Variants in IMMP2L observed in about 807,000 individuals in gnomAD.
IMMP2L encodes the protein inner mitochondrial membrane peptidase subunit 2, also known as mitochondrial inner membrane protease subunit 2.
IMMP2L carries 18 observed loss-of-function variants against 19.3 expected under a neutral mutation model. That is an observed-to-expected ratio of 0.93 (90% confidence interval 0.64 to 1.38). IMMP2L has a LOEUF of 1.38. IMMP2L is among the 40% of genes most tolerant of loss of function. The pLI is 0.00. For synonymous variants in IMMP2L, 76 were observed against 73.0 expected, an observed-to-expected ratio of 1.04 and a Z score of -0.21; for missense variants, 233 against 218.2, an observed-to-expected ratio of 1.07 and a Z score of -0.43.
intron 3 of IMMP2L, among the ~76,000 whole-genome samples, chr7:111,258,703 G>A (rs999727633): frequency 1.3e-5 from 2 of 151,812 alleles, no homozygotes; most frequent in South Asian, 2.1e-4. Context: ...ATGGGGTTGC[G>A]CCATGTTGGC....
chr7:111,048,769 G>C (rs769837578), intron 3 of IMMP2L, among the ~76,000 whole-genome samples: 23 of 152,118 alleles, frequency 1.5e-4, no homozygotes, highest in Admixed American at 6.6e-5. Context: ...GTCAGAGCAG[G>C]ATATTAGGAA....
At chr7:111,239,283 T>C (rs1814713301) in intron 3 of IMMP2L, among the ~76,000 whole-genome samples, 1 of 152,046 alleles carries the variant, frequency 6.6e-6, no homozygotes, top group African/African-American at 2.4e-5. Context: ...ATGTCACATA[T>C]AATATTCTTT....
At chr7:110,842,888 T>G (rs1308667625) in intron 5 of IMMP2L, among the ~76,000 whole-genome samples, 4 of 152,088 alleles carry the variant, frequency 2.6e-5, no homozygotes, top group Admixed American at 2.6e-4. Flanking sequence ...ATTAGAGAAG[T>G]CTTGAAATCT....
intron 5 of IMMP2L, among the ~76,000 whole-genome samples, chr7:110,749,685 G>A (rs921412726): frequency 1.3e-5 from 2 of 152,090 alleles, no homozygotes; most frequent in African/African-American, 2.4e-5. Context: ...TCATAAGTGG[G>A]AGTTGAACAA....
chr7:110,984,108 CTGTT>C lies in IMMP2L; in HGVS notation c.240-20547_240-20544del, dbSNP rs1039976658. ...GACTCAGATATGATTTAATCTCTTACTGTTTAACGGAGAACATGTAAATGCAGAC... is the reference window on the plus strand; with the variant it reads ...GACTCAGATATGATTTAATCTCTTACTAACGGAGAACATGTAAATGCAGAC... On this transcript the variant is annotated intron_variant, in intron 3 of 5. Transcript: ENST00000405709. 3.5e-4 allele frequency among the ~76,000 whole-genome samples: 53 copies of C among 151,976 alleles called. 1 individual carries two copies. The highest frequency in any genetic ancestry group is 1.2e-3 in the African/African-American group (49 of 41,426).
At chr7:110,668,452 C>T (rs1791607678) in intron 5 of IMMP2L, among the ~76,000 whole-genome samples, 1 of 152,128 alleles carries the variant, frequency 6.6e-6, no homozygotes, top group Admixed American at 6.5e-5. Context: ...GTACCTCAAG[C>T]CTTTATTTGC....
At chr7:111,317,804 T>C (rs1472336360) in intron 3 of IMMP2L, among the ~76,000 whole-genome samples, 5 of 152,138 alleles carry the variant, frequency 3.3e-5, no homozygotes, top group African/African-American at 1.2e-4. Context: ...AATAATAAGC[T>C]TTTCAAAGTC....
chr7:111,136,373 T>A (rs981791162), intron 3 of IMMP2L, among the ~76,000 whole-genome samples: 14 of 152,134 alleles, frequency 9.2e-5, no homozygotes, highest in African/African-American at 2.9e-4. Context: ...GATTTTTCCA[T>A]CTCATGGTAG....
chr7:110,671,452 A>G (rs976275907), intron 5 of IMMP2L, among the ~76,000 whole-genome samples: 2 of 152,116 alleles, frequency 1.3e-5, no homozygotes, highest in Admixed American at 1.3e-4. Context: ...CTGTTTTAGG[A>G]AACACCAAAA....
chr7:110,818,965 TG>T (rs1290646679), intron 5 of IMMP2L, among the ~76,000 whole-genome samples: 1 of 78,046 alleles, frequency 1.3e-5, no homozygotes, highest in Non-Finnish European at 2.3e-5. Context: ...TGTTGTTGGG[TG>T]GGGGGCGGGG....
At chr7:110,987,757 A>G (rs2129559030) in intron 3 of IMMP2L, among the ~76,000 whole-genome samples, 1 of 152,178 alleles carries the variant, frequency 6.6e-6, no homozygotes, top group Non-Finnish European at 1.5e-5. Flanking sequence ...TTGGCCTAAA[A>G]CCTGTTAACA....
At chr7:111,260,800 C>T (rs1007974728) in intron 3 of IMMP2L, among the ~76,000 whole-genome samples, 3 of 151,888 alleles carry the variant, frequency 2.0e-5, no homozygotes, top group Non-Finnish European at 2.9e-5. Context: ...ACTATAAATA[C>T]GTGACAATAG....
chr7:110,992,657 CATAAT>C (rs1210919427), intron 3 of IMMP2L, among the ~76,000 whole-genome samples: 1 of 151,560 alleles, frequency 6.6e-6, no homozygotes, highest in African/African-American at 2.4e-5. Context: ...TGATATAAGT[CATAAT>C]ATACAAAACA....
At chr7:111,419,338 A>AT (rs1478780925) in intron 3 of IMMP2L, among the ~76,000 whole-genome samples, 2 of 151,548 alleles carry the variant, frequency 1.3e-5, no homozygotes, top group African/African-American at 4.9e-5. Flanking sequence ...TTTACTAAAG[A>AT]TTTTTTTTAA....
At chr7:111,409,035 G>A (rs1484199290) in intron 3 of IMMP2L, among the ~76,000 whole-genome samples, 1 of 151,650 alleles carries the variant, frequency 6.6e-6, no homozygotes, top group Non-Finnish European at 1.5e-5. Flanking sequence ...AATAAATGTT[G>A]CTAAGTGCTG....
intron 1 of IMMP2L, among the ~76,000 whole-genome samples, chr7:111,541,930 C>T (rs1848537335): frequency 6.6e-6 from 1 of 151,968 alleles, no homozygotes; most frequent in African/African-American, 2.4e-5. Flanking sequence ...TTAAGCAAAA[C>T]CAGCCATAAT....
At chr7:111,548,318 T>C (rs1849129338) in intron 1 of IMMP2L, among the ~76,000 whole-genome samples, 1 of 152,170 alleles carries the variant, frequency 6.6e-6, no homozygotes, top group East Asian at 1.9e-4. Flanking sequence ...CCATTCTCAA[T>C]ATCATAAATC....
intron 3 of IMMP2L, among the ~76,000 whole-genome samples, chr7:111,430,755 A>T (rs1456671620): frequency 6.6e-6 from 1 of 151,664 alleles, no homozygotes; most frequent in Non-Finnish European, 1.5e-5. Flanking sequence ...CCAGTTCATG[A>T]ATATTTTTAT....
At chr7:110,899,109 T>C (rs1454266811) in intron 4 of IMMP2L, among the ~76,000 whole-genome samples, 1 of 152,182 alleles carries the variant, frequency 6.6e-6, no homozygotes, top group Non-Finnish European at 1.5e-5. Flanking sequence ...ATTATGAAAC[T>C]ATTTGATCTT....
Sources: gnomAD v4.1 joint callset for allele counts (sites outside exome capture counted in the v4.1 genomes callset) on GRCh38, gnomAD v4.1.1 for gene constraint, MANE v1.5 for transcripts, NCBI Gene and HGNC (gene_info 2026-07-23, HGNC 2026-07-21) for gene names.